Variants in HECTD4 observed in about 807,000 individuals in gnomAD.
The protein encoded by HECTD4 is probable E3 ubiquitin-protein ligase HECTD4.
In HECTD4, 114 loss-of-function variants were observed where a neutral mutation model predicts 471.5. The observed-to-expected ratio is 0.24, with a 90% CI of 0.21 to 0.28. The LOEUF (loss-of-function observed/expected upper bound fraction) is 0.28. Ranked by LOEUF, HECTD4 falls within the 10% of genes least tolerant of loss-of-function variation. The probability of loss-of-function intolerance (pLI) is 1.00; values close to 1 mark genes in which losing one functional copy is unlikely to be tolerated. For synonymous variants in HECTD4, 2,012 were observed against 2,256.0 expected (o/e 0.89, Z 3.07); for missense variants, 3,866 against 5,651.5 (o/e 0.68, Z 10.13).
chr12:112,299,178 G>A (rs993095646), intron 7 of HECTD4, among the ~76,000 whole-genome samples: 5 of 152,106 alleles, frequency 3.3e-5, no homozygotes, highest in African/African-American at 1.2e-4. Flanking sequence ...GTTTAACCTA[G>A]CCTCCTATTT....
At chr12:112,182,992 T>C in intron 62 of HECTD4, 67 bp downstream of exon 62, 1 of 1,183,166 alleles carries the variant, frequency 8.5e-7, no homozygotes. Context: ...TTAATGCAGA[T>C]TTTTTTCTGT....
chr12:112,265,001 G>T (rs2034235037), intron 16 of HECTD4, among the ~76,000 whole-genome samples, 174 bp downstream of exon 16: 1 of 152,190 alleles, frequency 6.6e-6, no homozygotes, highest in African/African-American at 2.4e-5. Flanking sequence ...CTGACCTCAG[G>T]TGATCCACCC....
chr12:112,165,206 C>T (rs1366316505), intron 72 of HECTD4, among the ~76,000 whole-genome samples: 2 of 151,066 alleles, frequency 1.3e-5, no homozygotes, highest in South Asian at 4.2e-4. Flanking sequence ...GCTGAGCCAC[C>T]GCGCCTGTCC....
At chr12:112,310,035 C>T (rs756124291) in intron 4 of HECTD4, among the ~76,000 whole-genome samples, 3 of 152,080 alleles carry the variant, frequency 2.0e-5, no homozygotes, top group Non-Finnish European at 4.4e-5. Flanking sequence ...TACAGTACAA[C>T]ACTTTTATTA....
intron 1 of HECTD4, among the ~76,000 whole-genome samples, chr12:112,366,455 G>A (rs2036560735): frequency 6.6e-6 from 1 of 152,112 alleles, no homozygotes; most frequent in Non-Finnish European, 1.5e-5. Flanking sequence ...AGGAAATTGA[G>A]GTGGCAGTGA....
chr12:112,228,679 G>A lies in HECTD4; in HGVS notation c.6652C>T (p.Pro2218Ser). 1 of 1,610,574 alleles carries A rather than the reference G, an allele frequency of 6.2e-7. No individual in the cohort carries two copies. Among genetic ancestry groups the A allele is most frequent in the Non-Finnish European group, 8.5e-7 (1 of 1,179,182 alleles). The change falls in exon 42 of 76, where the codon CCA (proline) becomes TCA (serine). Residue 2218 changes from proline to serine, a missense_variant. By Grantham distance (74) the Pro-to-Ser change is moderately conservative. Around this residue, in one of 16 missense-constraint regions of HECTD4, gnomAD observed 617 missense variants for 915.1 expected, o/e 0.67. Transcript: ENST00000682272. The surrounding 1 kb of genome is among the most constrained non-coding windows in gnomAD (Gnocchi z 4.9). ...CTTGGAACACAAAGTCTAGACAATG[G>A]AATAGTCAATGTGTCTGACGCTTGC... ...TSQASDTLTI[P>S]LSRLCVPRSE...
rs770533880 is a variant in HECTD4, at chr12:112,184,819, C to T, written c.10147G>A (p.Ala3383Thr). Residue 3383 changes from alanine to threonine, a missense_variant, in exon 61 of 76, where the codon GCC becomes ACC. Transcript: ENST00000682272. The surrounding 1 kb of genome is among the most constrained non-coding windows in gnomAD (Gnocchi z 9.1). ...CCCACCAGGGCCTGGCAGGCATCGG[C>T]GATGGCGTCACTCGTCACGCCCAGC... is the stretch of plus-strand genomic sequence containing the variant. The part of the protein sequence containing the change: ...QGLGVTSDAI[A>T]DACQALVGPT... 12 of 1,609,122 alleles carry T rather than the reference C, an allele frequency of 7.5e-6. No homozygotes were observed. The highest frequency in any genetic ancestry group is 8.5e-7 in the Non-Finnish European group (1 of 1,176,870).
intron 1 of HECTD4, among the ~76,000 whole-genome samples, chr12:112,344,664 A>C (rs576911621): frequency 1.1e-4 from 17 of 152,332 alleles, no homozygotes; most frequent in African/African-American, 3.8e-4. Context: ...CACACCTGTA[A>C]TCCCAGCACT....
rs769512371 is a variant in HECTD4 at position 112,193,136 on chromosome 12, T to C, written c.9011A>G (p.Asn3004Ser). 6.2e-6 allele frequency: 10 copies of C among 1,613,878 alleles called. No homozygotes were observed. Among genetic ancestry groups the C allele is most frequent in the Non-Finnish European group, 8.5e-6 (10 of 1,179,892 alleles). ...TGCCCCGGGGAAATTCACGTCCATG[T>C]TGACTTTGGATTCGGAAATTGGGAA... is the stretch of plus-strand genomic sequence containing the variant. ...EEFPISESKV[N>S]MDVNFPGAAF... The change falls in exon 58 of 76, where the codon AAC becomes AGC. Residue 3004 changes from asparagine to serine, a missense_variant. This residue lies in a region of HECTD4 where 364 missense variants were observed against 413.2 expected (regional missense o/e 0.88). Coordinates refer to ENST00000682272, the MANE Select transcript of HECTD4 (RefSeq NM_001388303.1). This position sits in a 1 kb window ranked among gnomAD's most constrained non-coding sequence, Gnocchi z 5.2.
At position 112,258,866 on chromosome 12, in the gene HECTD4, A is replaced by C; in HGVS notation, c.3027+246T>G. On this transcript the variant is annotated intron_variant, in intron 19 of 75. Coordinates refer to ENST00000682272, the MANE Select transcript of HECTD4 (RefSeq NM_001388303.1). ...GTTTTTGGTAGCATTGTATATTAGC[A>C]TTTTTATAGCTGATCAGCCATGAAC... 4 of 562,334 alleles carry C rather than the reference A, an allele frequency of 7.1e-6. No homozygotes were observed. The South Asian group carries it at 1.0e-4, about 15-fold the overall frequency. The allele number at this position is 562,334 out of a possible 1,614,324, so 34.8% of individuals were successfully genotyped here. A position where few individuals can be genotyped will look rare whatever the true frequency, so the allele number is the denominator to read the frequency against.
chr12:112,170,993 G>T (rs2137006593), intron 68 of HECTD4, 124 bp downstream of exon 68: 1 of 732,742 alleles, frequency 1.4e-6, no homozygotes, highest in Non-Finnish European at 2.2e-6. Flanking sequence ...CTACATGAAA[G>T]GTTGAGGTGG....
intron 32 of HECTD4, 33 bp from the exon 33 acceptor site, chr12:112,240,060 G>A (rs1566083924): frequency 6.2e-7 from 1 of 1,610,798 alleles, no homozygotes; most frequent in South Asian, 1.1e-5. Flanking sequence ...CAGGCTTCCT[G>A]AACCATGTCA....
At chr12:112,206,388 G>A (rs1045057808) in intron 52 of HECTD4, among the ~76,000 whole-genome samples, 1 of 152,054 alleles carries the variant, frequency 6.6e-6, no homozygotes, top group African/African-American at 2.4e-5. Flanking sequence ...CCAGGTACTC[G>A]GGAAGCTGAA....
Position 112,162,768 on chromosome 12 carries a change from C to A in HECTD4, c.13121-245G>T. 1 of 465,682 alleles carries A rather than the reference C, an allele frequency of 2.1e-6. No individual in the cohort carries two copies. Among genetic ancestry groups the A allele is most frequent in the Non-Finnish European group, 3.7e-6 (1 of 267,814 alleles). 28.8% of individuals were successfully genotyped at this position (465,682 alleles called of 1,614,324 possible). A position where few individuals can be genotyped will look rare whatever the true frequency, so the allele number is the denominator to read the frequency against. ...GGTTTGTCTGCCCAGCAAATTGTTT[C>A]TTTTTTTTTTTTTTTAACCATTTTT... On this transcript the variant is annotated intron_variant, in intron 75 of 75. Transcript: ENST00000682272. This position sits in a 1 kb window ranked among gnomAD's most constrained non-coding sequence, Gnocchi z 5.2.
intron 1 of HECTD4, among the ~76,000 whole-genome samples, chr12:112,362,502 G>A (rs2036467939): frequency 6.6e-6 from 1 of 152,086 alleles, no homozygotes; most frequent in African/African-American, 2.4e-5. Context: ...GGAGTGATGG[G>A]AGGGAGGGGA....
chr12:112,252,544 AG>A lies in HECTD4; in HGVS notation c.3448-17del, dbSNP rs528866197. The A allele has an allele frequency of 2.5e-6, 4 of 1,601,994 alleles. No homozygotes were observed. Among genetic ancestry groups the A allele is most frequent in the Non-Finnish European group, 3.4e-6 (4 of 1,175,760 alleles). On this transcript the variant is annotated splice_polypyrimidine_tract_variant and intron_variant, in intron 22 of 75. Transcript: ENST00000682272. ...CTCCTTCCACCTTAAAATTTAAGGA[AG>A]GGGGGGAAATGCACTTTAAAAACAA...
At chr12:112,200,864 C>T (rs1047798958) in intron 54 of HECTD4, 66 bp from the exon 55 acceptor site, 44 of 1,393,962 alleles carry the variant, frequency 3.2e-5, no homozygotes, top group East Asian at 1.3e-4. Flanking sequence ...TGCGTGCGTG[C>T]GTGTGTGTGT....
At position 112,167,518 on chromosome 12, in the gene HECTD4, C is replaced by G. The variant is rs748469786; in HGVS notation, c.12333G>C (p.Pro4111=). The G allele has an allele frequency of 6.2e-7, 1 of 1,601,452 alleles. No individual in the cohort carries two copies. ...GCTCCTCCCCGTAGGTGATGGGGCT[C>G]GGGGTCAGGATATACTTGCCCTGGA... ...NKNKGKYILT[P]SPITYGEEQL... is the part of the protein sequence containing the mutation. The change falls in exon 72 of 76, where the codon CCG becomes CCC. Residue 4111 remains proline (P), a synonymous_variant. Coordinates refer to ENST00000682272, the MANE Select transcript of HECTD4 (RefSeq NM_001388303.1).
At chr12:112,238,802 C>A (rs1450672172) in intron 34 of HECTD4, among the ~76,000 whole-genome samples, 1 of 152,054 alleles carries the variant, frequency 6.6e-6, no homozygotes. Context: ...TAAAAAATAT[C>A]TTCTCAATTT....
Sources: allele counts gnomAD v4.1 joint callset (sites outside exome capture counted in the v4.1 genomes callset), GRCh38; gene constraint gnomAD v4.1.1; regional missense constraint gnomAD v4.1.1; non-coding constraint Gnocchi (gnomAD v3.1); transcripts MANE v1.5; gene names NCBI Gene and HGNC (gene_info 2026-07-23, HGNC 2026-07-21).